Variants in FGF14 observed in about 807,000 individuals in gnomAD.
The protein encoded by FGF14 is fibroblast growth factor 14.
FGF14 carries 5 observed loss-of-function variants against 25.5 expected under a neutral mutation model. The observed-to-expected ratio is 0.20, with a 90% CI of 0.10 to 0.41. The LOEUF (loss-of-function observed/expected upper bound fraction) is 0.41, where lower values mean the gene tolerates loss of function less well. Ranked by LOEUF, FGF14 falls within the 10% of genes least tolerant of loss-of-function variation. The pLI, the probability that FGF14 is intolerant of heterozygous loss-of-function variation, is 1.00. For synonymous variants in FGF14, 138 were observed against 118.3 expected (o/e 1.17, Z -1.08); for missense variants, 222 against 320.1 (o/e 0.69, Z 2.34).
At chr13:101,866,279 C>G (rs1034277302) in intron 3 of FGF14, among the ~76,000 whole-genome samples, 1 of 152,004 alleles carries the variant, frequency 6.6e-6, no homozygotes, top group Admixed American at 6.6e-5. Context: ...GTGTTTATAA[C>G]TTCTTGTTAG....
At chr13:102,161,889 T>C (rs895221887) in intron 1 of FGF14, among the ~76,000 whole-genome samples, 2 of 151,852 alleles carry the variant, frequency 1.3e-5, no homozygotes, top group Non-Finnish European at 2.9e-5. Flanking sequence ...TGGACCTAAA[T>C]TTAATCTCTT....
chr13:101,910,704 T>A (rs1026274164), intron 1 of FGF14, among the ~76,000 whole-genome samples: 4 of 152,126 alleles, frequency 2.6e-5, no homozygotes, highest in Admixed American at 6.6e-5. Flanking sequence ...TTTCATGTGA[T>A]CTGAGTTTCT....
At chr13:102,051,111 A>G (rs1328387286) in intron 1 of FGF14, among the ~76,000 whole-genome samples, 1 of 152,170 alleles carries the variant, frequency 6.6e-6, no homozygotes, top group African/African-American at 2.4e-5. Flanking sequence ...GGCTGCGTTA[A>G]GCCCACTCAT....
At chr13:101,993,227 C>T (rs1307319749) in intron 1 of FGF14, among the ~76,000 whole-genome samples, 2 of 149,456 alleles carry the variant, frequency 1.3e-5, no homozygotes, top group African/African-American at 2.4e-5. Context: ...AAAACAACTA[C>T]CAACCTGGAA....
chr13:101,735,878 G>T (rs1186459586), intron 3 of FGF14, among the ~76,000 whole-genome samples: 1 of 152,128 alleles, frequency 6.6e-6, no homozygotes, highest in Non-Finnish European at 1.5e-5. Flanking sequence ...AAAGAAAAAT[G>T]TAAAATGGAT....
intron 3 of FGF14, among the ~76,000 whole-genome samples, chr13:101,774,570 C>A (rs1039343751): frequency 3.3e-5 from 5 of 152,110 alleles, no homozygotes; most frequent in Non-Finnish European, 4.4e-5. Flanking sequence ...AACCCCTACA[C>A]CACCCCATCC....
chr13:101,840,595 C>T (rs1425201626), intron 3 of FGF14, among the ~76,000 whole-genome samples: 3 of 151,758 alleles, frequency 2.0e-5, no homozygotes, highest in Non-Finnish European at 2.9e-5. Context: ...TGAAATAATA[C>T]TGTAAGAAAT....
intron 1 of FGF14, among the ~76,000 whole-genome samples, chr13:102,133,873 A>G (rs1250470216): frequency 1.3e-5 from 2 of 152,166 alleles, no homozygotes; most frequent in African/African-American, 4.8e-5. Context: ...GGAATGGACT[A>G]TTAACATTGT....
At chr13:102,095,183 A>G (rs891115524) in intron 1 of FGF14, among the ~76,000 whole-genome samples, 4 of 152,206 alleles carry the variant, frequency 2.6e-5, no homozygotes, top group Non-Finnish European at 5.9e-5. Flanking sequence ...TCTATCAAGG[A>G]AATTATTTAA....
intron 1 of FGF14, among the ~76,000 whole-genome samples, chr13:102,068,264 C>T (rs1003335581): frequency 1.3e-5 from 2 of 152,186 alleles, no homozygotes; most frequent in African/African-American, 4.8e-5. Context: ...AGAAGAAAAG[C>T]AAGAGCAAAC....
At chr13:102,374,185 G>A (rs2057967123) in intron 1 of FGF14, among the ~76,000 whole-genome samples, 1 of 152,054 alleles carries the variant, frequency 6.6e-6, no homozygotes, top group Admixed American at 6.6e-5. Flanking sequence ...CTTTCTAGAT[G>A]TAGTTTCAAA....
intron 1 of FGF14, among the ~76,000 whole-genome samples, chr13:102,097,720 C>T (rs1049062961): frequency 6.6e-6 from 1 of 152,148 alleles, no homozygotes; most frequent in African/African-American, 2.4e-5. Context: ...CCAACCTCGC[C>T]CCCTTCACAC....
At chr13:102,000,980 G>C (rs894306439) in intron 1 of FGF14, among the ~76,000 whole-genome samples, 4 of 152,134 alleles carry the variant, frequency 2.6e-5, no homozygotes, top group Non-Finnish European at 4.4e-5. Flanking sequence ...GCAGAGACTA[G>C]AACAAAAGTT....
chr13:101,971,513 G>A (rs937711298), intron 1 of FGF14, among the ~76,000 whole-genome samples: 6 of 152,000 alleles, frequency 3.9e-5, no homozygotes, highest in Non-Finnish European at 7.4e-5. Context: ...TGGGACAATA[G>A]GCAAGCACCA....
At chr13:102,325,151 A>T (rs888641265) in intron 1 of FGF14, among the ~76,000 whole-genome samples, 1 of 152,132 alleles carries the variant, frequency 6.6e-6, no homozygotes, top group Non-Finnish European at 1.5e-5. Context: ...TTCTACAAAC[A>T]GCTGTCAAAT....
chr13:102,041,002 C>T (rs1464793152), intron 1 of FGF14, among the ~76,000 whole-genome samples: 1 of 151,952 alleles, frequency 6.6e-6, no homozygotes, highest in African/African-American at 2.4e-5. Context: ...CTTACCCACC[C>T]TACCATACCC....
intron 1 of FGF14, among the ~76,000 whole-genome samples, chr13:102,155,675 A>C (rs1300405400): frequency 6.6e-6 from 1 of 152,160 alleles, no homozygotes; most frequent in Non-Finnish European, 1.5e-5. Flanking sequence ...AGCAGAACTG[A>C]AGGAGATAGA....
At chr13:102,150,774 C>T (rs935674739) in intron 1 of FGF14, among the ~76,000 whole-genome samples, 1 of 152,172 alleles carries the variant, frequency 6.6e-6, no homozygotes, top group African/African-American at 2.4e-5. Flanking sequence ...AATCTGGAGA[C>T]ATTTTTGGTT....
chr13:101,938,097 C>T (rs1010023712), intron 1 of FGF14, among the ~76,000 whole-genome samples: 1 of 152,214 alleles, frequency 6.6e-6, no homozygotes, highest in Non-Finnish European at 1.5e-5. Context: ...AGGCCAGGTC[C>T]TCATGGGGTT....
Sources: gnomAD v4.1 joint callset for allele counts (sites outside exome capture counted in the v4.1 genomes callset) on GRCh38, gnomAD v4.1.1 for gene constraint, MANE v1.5 for transcripts, NCBI Gene and HGNC (gene_info 2026-07-23, HGNC 2026-07-21) for gene names.